ERP44: variants seen among roughly 807,000 people sequenced by gnomAD.
ERP44 encodes the protein endoplasmic reticulum protein 44, also known as endoplasmic reticulum resident protein 44.
Under a neutral mutation model 53.4 loss-of-function variants are expected in ERP44, and 25 were observed. The ratio of observed to expected loss-of-function variants is 0.47; its 90% CI spans 0.34 to 0.65. The LOEUF (loss-of-function observed/expected upper bound fraction) is 0.65, where lower values mean the gene tolerates loss of function less well. Among genes scored for constraint, ERP44 ranks in the 30% least tolerant of loss-of-function variants. The pLI is 0.01. For synonymous variants in ERP44, 145 were observed against 161.2 expected, an observed-to-expected ratio of 0.90 and a Z score of 0.76; for missense variants, 338 against 493.2, an observed-to-expected ratio of 0.69 and a Z score of 2.98.
At chr9:100,061,590 T>TTATAGAAATATATATATTTATAGAAATA (rs1826150426) in intron 1 of ERP44, among the ~76,000 whole-genome samples, 1 of 143,530 alleles carries the variant, frequency 7.0e-6, no homozygotes, top group Non-Finnish European at 1.5e-5. Flanking sequence ...ACGTATATAT[T>TTATAGAAATATATATATTTATAGAAATA]TATAGAAATA....
At chr9:100,047,969 A>G (rs1247626970) in intron 4 of ERP44, among the ~76,000 whole-genome samples, 1 of 152,176 alleles carries the variant, frequency 6.6e-6, no homozygotes, top group Non-Finnish European at 1.5e-5. Flanking sequence ...CAAATGACCA[A>G]TAAGCATGTG....
At chr9:100,095,907 G>A (rs977835516) in intron 1 of ERP44, among the ~76,000 whole-genome samples, 3 of 152,020 alleles carry the variant, frequency 2.0e-5, no homozygotes, top group Non-Finnish European at 2.9e-5. Context: ...TACTTGTAAC[G>A]ATTAAATAAA....
At position 100,000,100 on chromosome 9, in the gene ERP44, T is replaced by C. The variant is rs1830361041; in HGVS notation, c.1016+6406A>G. On this transcript the variant is annotated intron_variant, in intron 10 of 11. Coordinates refer to ENST00000262455, the MANE Select transcript of ERP44 (RefSeq NM_015051.3). The stretch of plus-strand genomic sequence containing the variant: ...AGGATATTACCCTGTAATTTTCTTT[T>C]CTTGTAGTGTCCTAGTCTGACTTTG... 2.0e-5 allele frequency among the ~76,000 whole-genome samples: 3 copies of C among 152,250 alleles called. No homozygotes were observed. In the South Asian group the frequency reaches 6.2e-4, roughly 32 times the overall value.
intron 10 of ERP44, among the ~76,000 whole-genome samples, chr9:100,003,621 C>T (rs918792114): frequency 1.3e-5 from 2 of 151,174 alleles, no homozygotes; most frequent in Non-Finnish European, 3.0e-5. Context: ...CTTGGGTCCA[C>T]AGGAGTGGAC....
intron 10 of ERP44, chr9:99,999,159 G>GC (rs1159870437): frequency 2.2e-5 from 12 of 549,944 alleles, no homozygotes; most frequent in Non-Finnish European, 3.6e-5. Context: ...CCAGGGCTCC[G>GC]CCCCCCGACC....
At chr9:100,096,837 T>C (rs1270089887) in intron 1 of ERP44, among the ~76,000 whole-genome samples, 1 of 152,076 alleles carries the variant, frequency 6.6e-6, no homozygotes, top group East Asian at 1.9e-4. Flanking sequence ...GAGGACAAAT[T>C]ATTAGACAGC....
At chr9:100,043,560 G>A (rs937107584) in intron 4 of ERP44, among the ~76,000 whole-genome samples, 1 of 152,034 alleles carries the variant, frequency 6.6e-6, no homozygotes, top group East Asian at 1.9e-4. Flanking sequence ...TTCGAGACCA[G>A]CCTGGCCAAC....
rs1048232888 is a variant in ERP44 at position 100,057,137 on chromosome 9, C to G, written c.170+683G>C. Among the ~76,000 whole-genome samples, 3 of 152,156 alleles carry G rather than the reference C, an allele frequency of 2.0e-5. No individual in the cohort carries two copies. The South Asian group carries it at 6.2e-4, about 31-fold the overall frequency. ...CAGTAGGTAGTAAGCCTTAAAGGGT[C>G]AGATAAGATACAGAGTGTCTAGGGA... On this transcript the variant is annotated intron_variant, in intron 3 of 11. Transcript: ENST00000262455.
At chr9:100,091,976 T>C (rs1341555075) in intron 1 of ERP44, among the ~76,000 whole-genome samples, 2 of 152,206 alleles carry the variant, frequency 1.3e-5, no homozygotes, top group African/African-American at 4.8e-5. Context: ...TATATATATA[T>C]CTTCTCTCCT....
chr9:100,091,107 G>C (rs1826550576), intron 1 of ERP44, among the ~76,000 whole-genome samples: 1 of 152,034 alleles, frequency 6.6e-6, no homozygotes, highest in African/African-American at 2.4e-5. Flanking sequence ...CTGCTTTTTT[G>C]TTGCTTTTCT....
At chr9:100,094,220 A>G (rs1465254906) in intron 1 of ERP44, among the ~76,000 whole-genome samples, 1 of 152,218 alleles carries the variant, frequency 6.6e-6, no homozygotes, top group Non-Finnish European at 1.5e-5. Context: ...AGTTAAAAAA[A>G]AGGTGGGGGA....
At position 100,071,102 on chromosome 9, in the gene ERP44, T is replaced by TTTG. The variant is rs1826298327; in HGVS notation, c.58-10931_58-10930insCAA. 2.7e-5 allele frequency among the ~76,000 whole-genome samples: 4 copies of TTTG among 149,358 alleles called. No homozygotes were observed. In the South Asian group the frequency reaches 6.5e-4, roughly 24 times the overall value. ...TCCTAAATTATATAAGGTTTTTTTT[T>TTTG]TTTTTTTTTTGAGACAAGGTCTTGT... On this transcript the variant is annotated intron_variant, in intron 1 of 11. Transcript: ENST00000262455.
intron 4 of ERP44, among the ~76,000 whole-genome samples, chr9:100,025,549 T>C (rs1357122212): frequency 6.6e-6 from 1 of 152,082 alleles, no homozygotes; most frequent in Non-Finnish European, 1.5e-5. Flanking sequence ...CAGAAAAACA[T>C]TTGATAAAAA....
intron 5 of ERP44, 29 bp from the exon 6 acceptor site, chr9:100,020,760 C>A (rs55827103): frequency 6.2e-6 from 7 of 1,136,400 alleles, no homozygotes; most frequent in Non-Finnish European, 9.3e-6. Flanking sequence ...AATTATTTTG[C>A]AAACATACAT....
At chr9:100,024,888 A>G (rs994996561) in intron 4 of ERP44, among the ~76,000 whole-genome samples, 2 of 152,204 alleles carry the variant, frequency 1.3e-5, no homozygotes, top group African/African-American at 4.8e-5. Context: ...GTTAATTCCA[A>G]TAAGTTTGAT....
At chr9:100,014,062 A>C (rs1830503424) in intron 8 of ERP44, among the ~76,000 whole-genome samples, 2 of 152,232 alleles carry the variant, frequency 1.3e-5, no homozygotes, top group South Asian at 4.1e-4. Context: ...TTTTAGGTTC[A>C]AAAACAGGAA....
Position 100,092,932 on chromosome 9 carries a change from G to A in ERP44, c.57+5852C>T, listed in dbSNP as rs374510706. ...TACAAATTTTCAGTAGGGCAATTTA[G>A]TACAACATATCAGAAATTCTAAATA... On this transcript the variant is annotated intron_variant, in intron 1 of 11. Coordinates refer to ENST00000262455, the MANE Select transcript of ERP44 (RefSeq NM_015051.3). 9.9e-5 allele frequency among the ~76,000 whole-genome samples: 15 copies of A among 152,236 alleles called. No individual in the cohort carries two copies. The East Asian group carries it at 2.9e-3, about 29-fold the overall frequency.
At chr9:100,041,757 TACAGTGAAC>T (rs750400062) in intron 4 of ERP44, among the ~76,000 whole-genome samples, 2 of 152,124 alleles carry the variant, frequency 1.3e-5, no homozygotes, top group Non-Finnish European at 2.9e-5. Context: ...TCCATATATC[TACAGTGAAC>T]ACATTTTTGA....
intron 1 of ERP44, among the ~76,000 whole-genome samples, chr9:100,096,984 A>G (rs1377688182): frequency 2.0e-5 from 3 of 152,172 alleles, no homozygotes; most frequent in Admixed American, 2.0e-4. Context: ...CTAGGTAAAC[A>G]CTGTATTCCA....
Sources: allele counts gnomAD v4.1 joint callset (sites outside exome capture counted in the v4.1 genomes callset), GRCh38; gene constraint gnomAD v4.1.1; transcripts MANE v1.5; gene names NCBI Gene and HGNC (gene_info 2026-07-23, HGNC 2026-07-21).